DIXDC1: variants seen among roughly 807,000 people sequenced by gnomAD.
DIXDC1 encodes DIX domain containing 1.
In DIXDC1, 64 loss-of-function variants were observed where a neutral mutation model predicts 103.1. The ratio of observed to expected loss-of-function variants is 0.62; its 90% CI spans 0.51 to 0.76. The LOEUF (loss-of-function observed/expected upper bound fraction) is 0.76, where lower values mean the gene tolerates loss of function less well. Ranked by LOEUF, DIXDC1 falls within the 30% of genes least tolerant of loss-of-function variation. The pLI is 0.00. For missense variants in DIXDC1, 759 were observed against 834.2 expected, an observed-to-expected ratio of 0.91 and a Z score of 1.11; for synonymous variants, 266 against 298.5, an observed-to-expected ratio of 0.89 and a Z score of 1.12.
rs368536251 is a variant in DIXDC1, at chr11:111,996,161, T to C, written c.1756+15T>C. 6 of 1,612,206 alleles carry C rather than the reference T, an allele frequency of 3.7e-6. No homozygotes were observed. In the African/African-American group the frequency reaches 6.7e-5, roughly 18 times the overall value. On this transcript the variant is annotated intron_variant, in intron 17 of 19. Transcript: ENST00000440460. ...CCCTAACTCAAGTAAGTACCCATTT[T>C]TGCTCAGTAGGGACTCCTAGCATAT...
At chr11:111,991,892 C>T (rs587690977) in intron 10 of DIXDC1, among the ~76,000 whole-genome samples, 10 of 152,218 alleles carry the variant, frequency 6.6e-5, no homozygotes, top group African/African-American at 1.7e-4. Context: ...AACAGAGTGG[C>T]GGGCATGAAT....
intron 17 of DIXDC1, among the ~76,000 whole-genome samples, chr11:112,008,971 G>A (rs916460221): frequency 6.6e-6 from 1 of 152,088 alleles, no homozygotes; most frequent in African/African-American, 2.4e-5. Flanking sequence ...CAGAACTGAA[G>A]GAGATAGAGA....
At chr11:111,964,279 A>AT (rs1218325484) in intron 1 of DIXDC1, among the ~76,000 whole-genome samples, 3 of 152,252 alleles carry the variant, frequency 2.0e-5, no homozygotes, top group Non-Finnish European at 4.4e-5. Context: ...ATAGTCATTG[A>AT]AAGACTCATC....
At chr11:112,015,164 C>G (rs1861548348) in intron 17 of DIXDC1, 1 of 152,226 alleles carries the variant, frequency 6.6e-6, no homozygotes. Flanking sequence ...GGATTACAGG[C>G]ATGAGCCACC....
chr11:111,931,332 C>T (rs1490260781), intron 2 of DIXDC1, among the ~76,000 whole-genome samples: 1 of 151,880 alleles, frequency 6.6e-6, no homozygotes, highest in African/African-American at 2.4e-5. Context: ...GAGTGAGACA[C>T]TGTCTCAAAA....
intron 1 of DIXDC1, among the ~76,000 whole-genome samples, chr11:111,962,387 C>T (rs1226490737): frequency 6.6e-6 from 1 of 151,844 alleles, no homozygotes; most frequent in Admixed American, 6.6e-5. Context: ...GAGGCTGAGA[C>T]GAGAGAATTG....
chr11:111,994,586 TTATGTATGTATATG>T lies in DIXDC1; in HGVS notation c.1438-413_1438-400del, dbSNP rs782799567. On this transcript the variant is annotated intron_variant, in intron 14 of 19. Coordinates refer to ENST00000440460, the MANE Select transcript of DIXDC1 (RefSeq NM_001037954.4). ...GTATATGTATGTATGTATGTGTATA[TTATGTATGTATATG>T]TATGTATGTATATGTATGTGTATAT... 3.8e-3 allele frequency among the ~76,000 whole-genome samples: 573 copies of T among 151,262 alleles called. 2 individuals carry two copies. The highest frequency in any genetic ancestry group is 6.1e-3 in the Non-Finnish European group (412 of 67,854).
intron 1 of DIXDC1, among the ~76,000 whole-genome samples, chr11:111,948,260 T>C (rs1236112617): frequency 6.6e-6 from 1 of 152,246 alleles, no homozygotes; most frequent in Non-Finnish European, 1.5e-5. Context: ...TCTACTCTGC[T>C]CAAAACCCCA....
At chr11:111,941,966 C>T (rs1188994313) in intron 1 of DIXDC1, among the ~76,000 whole-genome samples, 1 of 152,030 alleles carries the variant, frequency 6.6e-6, no homozygotes, top group Non-Finnish European at 1.5e-5. Context: ...CTCCTAAAGG[C>T]CTTGTGCCCT....
In DIXDC1 at chr11:111,988,100, G is replaced by A. The variant is rs183580515; in HGVS notation, c.1063-905G>A. On this transcript the variant is annotated intron_variant, in intron 9 of 19. Coordinates refer to ENST00000440460, the MANE Select transcript of DIXDC1 (RefSeq NM_001037954.4). The stretch of plus-strand genomic sequence containing the variant: ...TGCAGCTTCGACCCCCCAGTCTCAA[G>A]CGATCCTCCCACCTCAGCCTCCCTA... Among the ~76,000 whole-genome samples the A allele has an allele frequency of 6.8e-3, 1,041 of 152,088 alleles. 5 individuals are homozygous for A. Among genetic ancestry groups the A allele is most frequent in the Middle Eastern group, 0.051 (15 of 294 alleles).
In DIXDC1 at chr11:111,980,717, T is replaced by C. The variant is rs1860268419; in HGVS notation, c.657-20T>C. On this transcript the variant is annotated intron_variant, in intron 5 of 19. Coordinates refer to ENST00000440460, the MANE Select transcript of DIXDC1 (RefSeq NM_001037954.4). ...AACTCTTCATAATAATCGTTTTTCT[T>C]CCTTTTTCTTCAATCACAGCCTGAC... 1.3e-6 allele frequency: 2 copies of C among 1,595,532 alleles called. No homozygotes were observed. The highest frequency in any genetic ancestry group is 1.7e-6 in the Non-Finnish European group (2 of 1,165,578).
chr11:111,974,446 T>A, intron 4 of DIXDC1, 192 bp downstream of exon 4: 1 of 619,238 alleles, frequency 1.6e-6, no homozygotes. Flanking sequence ...ATTTTTATTT[T>A]GCATTTAGCA....
chr11:112,003,753 A>G (rs1262515043), intron 17 of DIXDC1, among the ~76,000 whole-genome samples: 3 of 151,598 alleles, frequency 2.0e-5, no homozygotes, highest in African/African-American at 7.3e-5. Context: ...AGCCGAGATC[A>G]TGCCATTGCA....
chr11:112,008,548 C>A (rs782382545), intron 17 of DIXDC1, among the ~76,000 whole-genome samples: 1 of 152,090 alleles, frequency 6.6e-6, no homozygotes, highest in Non-Finnish European at 1.5e-5. Flanking sequence ...ATTGATCATA[C>A]AGTTGGAAGT....
At chr11:112,015,929 C>G (rs1861575645) in intron 17 of DIXDC1, 2 of 258 alleles carry the variant, frequency 7.8e-3, no homozygotes, top group Admixed American at 0.083. Flanking sequence ...TTTGCCTCAG[C>G]CTCCCCAAGT....
At chr11:111,974,694 G>A (rs1299330657) in intron 4 of DIXDC1, among the ~76,000 whole-genome samples, 182 bp from the exon 5 acceptor site, 1 of 152,150 alleles carries the variant, frequency 6.6e-6, no homozygotes, top group Non-Finnish European at 1.5e-5. Flanking sequence ...GTGTTGCACA[G>A]GTTGGTGAAT....
rs781973280 is a variant in DIXDC1, at chr11:112,019,014, A to T, written c.2030A>T (p.Glu677Val). Reference sequence around the variant, plus strand: ...GAAGGGAAAATTGTAGCTTGGGTGGAAGAAGACCATGGAGAGAATTAATGC... The same window carrying T: ...GAAGGGAAAATTGTAGCTTGGGTGGTAGAAGACCATGGAGAGAATTAATGC... ...GWEGKIVAWVEEDHGEN is the reference protein window; with the variant it reads ...GWEGKIVAWVVEDHGEN Residue 677 changes from glutamate to valine, a missense_variant, in exon 20 of 20, where the codon GAA (glutamate) becomes GTA (valine). By Grantham distance (121) the Glu-to-Val change is moderately radical (BLOSUM62 -2). Transcript: ENST00000440460. 1.2e-6 allele frequency: 2 copies of T among 1,613,278 alleles called. No individual in the cohort carries two copies. The highest frequency in any genetic ancestry group is 1.7e-6 in the Non-Finnish European group (2 of 1,179,384).
intron 3 of DIXDC1, among the ~76,000 whole-genome samples, chr11:111,972,033 G>A (rs988031265): frequency 1.3e-5 from 2 of 152,014 alleles, no homozygotes; most frequent in African/African-American, 2.4e-5. Context: ...CTCACTATCC[G>A]GATGATGAGT....
chr11:112,007,172 A>G (rs1280068117), intron 17 of DIXDC1, among the ~76,000 whole-genome samples: 2 of 152,246 alleles, frequency 1.3e-5, no homozygotes, highest in South Asian at 2.1e-4. Flanking sequence ...ACAAGCTTCA[A>G]TAGCCAATGC....
Sources: gnomAD v4.1 joint callset for allele counts (sites outside exome capture counted in the v4.1 genomes callset) on GRCh38, gnomAD v4.1.1 for gene constraint, MANE v1.5 for transcripts, NCBI Gene and HGNC (gene_info 2026-07-23, HGNC 2026-07-21) for gene names.